The following HBS1L variants were observed in gnomAD, a reference collection of about 807,000 sequenced individuals.
HBS1L encodes HBS1 like translational GTPase, also known as HBS1-like protein.
Under a neutral mutation model 88.9 loss-of-function variants are expected in HBS1L, and 55 were observed. The observed-to-expected ratio is 0.62, with a 90% CI of 0.50 to 0.77. The LOEUF (loss-of-function observed/expected upper bound fraction) is 0.77, where lower values mean the gene tolerates loss of function less well. Among genes scored for constraint, HBS1L ranks in the 30% least tolerant of loss-of-function variants. The pLI is 0.00. For synonymous variants in HBS1L, 267 were observed against 288.5 expected, an observed-to-expected ratio of 0.93 and a Z score of 0.76; for missense variants, 741 against 829.3, an observed-to-expected ratio of 0.89 and a Z score of 1.31.
At chr6:135,004,427 C>A (rs1284874152) in intron 4 of HBS1L, among the ~76,000 whole-genome samples, 1 of 151,924 alleles carries the variant, frequency 6.6e-6, no homozygotes, top group African/African-American at 2.4e-5. Flanking sequence ...ATAACTAGCA[C>A]AGAAAGAAAG....
chr6:135,029,346 C>T (rs1776322686), intron 4 of HBS1L, among the ~76,000 whole-genome samples: 1 of 105,320 alleles, frequency 9.5e-6, no homozygotes, highest in South Asian at 3.6e-4. Context: ...TATAAATATG[C>T]ATATGTGGAT....
intron 4 of HBS1L, among the ~76,000 whole-genome samples, chr6:135,029,656 T>C (rs1776330521): frequency 6.6e-6 from 1 of 152,126 alleles, no homozygotes; most frequent in African/African-American, 2.4e-5. Flanking sequence ...TCCAAAACTT[T>C]CAAGTATATA....
chr6:135,003,802 T>C (rs971307446), intron 4 of HBS1L, among the ~76,000 whole-genome samples: 5 of 151,894 alleles, frequency 3.3e-5, no homozygotes, highest in Non-Finnish European at 4.4e-5. Flanking sequence ...AAGGTGGAGG[T>C]TGCAGTGAAC....
intron 8 of HBS1L, among the ~76,000 whole-genome samples, chr6:134,990,765 T>C (rs1463615128): frequency 6.6e-6 from 1 of 152,196 alleles, no homozygotes; most frequent in Non-Finnish European, 1.5e-5. Context: ...TTGCCCAGGC[T>C]GGTCTTGAAC....
chr6:135,023,333 A>G (rs989280300), intron 4 of HBS1L, among the ~76,000 whole-genome samples: 33 of 152,112 alleles, frequency 2.2e-4, no homozygotes, highest in African/African-American at 7.5e-4. Context: ...AGTCCCAGCT[A>G]CTTGGGAGGC....
intron 4 of HBS1L, among the ~76,000 whole-genome samples, chr6:135,011,791 AG>A (rs1205911056): frequency 1.3e-5 from 2 of 151,806 alleles, no homozygotes; most frequent in Non-Finnish European, 2.9e-5. Flanking sequence ...CTGTAATCTC[AG>A]CTACTCGGGA....
At chr6:135,053,818 A>C (rs1777160089) in intron 1 of HBS1L, among the ~76,000 whole-genome samples, 1 of 152,190 alleles carries the variant, frequency 6.6e-6, no homozygotes, top group African/African-American at 2.4e-5. Flanking sequence ...ATGCTTGGTG[A>C]TGCCTATAGT....
intron 1 of HBS1L, among the ~76,000 whole-genome samples, chr6:135,053,201 T>TC: frequency 6.6e-6 from 1 of 152,242 alleles, no homozygotes; most frequent in Non-Finnish European, 1.5e-5. Flanking sequence ...CTGCTTAAAT[T>TC]CCCCCCAATC....
chr6:134,997,601 T>C lies in HBS1L; in HGVS notation c.595A>G (p.Ile199Val). 4 of 1,613,892 alleles carry C rather than the reference T, an allele frequency of 2.5e-6. No homozygotes were observed. Among genetic ancestry groups the C allele is most frequent in the East Asian group, 2.2e-5 (1 of 44,884 alleles). Reference protein sequence around the residue: ...SFHTPQKGPPIEDAIASSDVL... With the variant: ...SFHTPQKGPPVEDAIASSDVL... ...TCGGAAGAAGCAATGGCATCTTCAA[T>C]GGGCGGTCCTTTTTGAGGTGTGTGG... Residue 199 changes from isoleucine (I) to valine (V), a missense_variant, in exon 6 of 18, where the codon ATT (isoleucine) becomes GTT (valine). By Grantham distance (29) the Ile-to-Val change is conservative. This residue lies in a region of HBS1L where 556 missense variants were observed against 598.4 expected (regional missense o/e 0.93). Transcript: ENST00000367837.
intron 12 of HBS1L, 49 bp downstream of exon 12, chr6:134,985,292 A>C: frequency 8.3e-7 from 1 of 1,203,028 alleles, no homozygotes; most frequent in Non-Finnish European, 1.2e-6. Flanking sequence ...TTAGGAGGGA[A>C]TGGGGAAAAG....
chr6:134,974,020 T>C (rs191956243), intron 15 of HBS1L, among the ~76,000 whole-genome samples: 19 of 151,764 alleles, frequency 1.3e-4, no homozygotes, highest in African/African-American at 4.6e-4. Context: ...TCTTAAAAAA[T>C]ATAGAGTAAG....
Position 135,040,936 on chromosome 6 carries a change from A to C in HBS1L, c.235+1065T>G, listed in dbSNP as rs565944905. On this transcript the variant is annotated intron_variant, in intron 3 of 17. Coordinates refer to ENST00000367837, the MANE Select transcript of HBS1L (RefSeq NM_006620.4). ...TATGTATATTTCTTTTGTAATCCTC[A>C]TAATAAGTCTATGAGCTAGATATAT... Among the ~76,000 whole-genome samples, 11 of 150,988 alleles carry C rather than the reference A, an allele frequency of 7.3e-5. No homozygotes were observed. In the South Asian group the frequency reaches 2.1e-3, roughly 28 times the overall value.
At position 135,002,776 on chromosome 6, in the gene HBS1L, G is replaced by A; in HGVS notation, c.497C>T (p.Thr166Ile). The change falls in exon 5 of 18, where the codon ACT (threonine) becomes ATT (isoleucine). Residue 166 changes from threonine (T) to isoleucine (I), a missense_variant. Physicochemically the swap from Thr to Ile is moderately conservative, Grantham distance 89 (BLOSUM62 -1). This residue lies in a region of HBS1L where 556 missense variants were observed against 598.4 expected (regional missense o/e 0.93). Coordinates refer to ENST00000367837, the MANE Select transcript of HBS1L (RefSeq NM_006620.4). ...CATAGTTTGCTTCTTTCCAGATACAGTCATTTTAGCAACTTTTGGCACAAT... is the reference window on the plus strand; with the variant it reads ...CATAGTTTGCTTCTTTCCAGATACAATCATTTTAGCAACTTTTGGCACAAT... ...SEIVPKVAKM[T>I]VSGKKQTMGF... 1.9e-6 allele frequency: 3 copies of A among 1,613,316 alleles called. No individual in the cohort carries two copies. The highest frequency in any genetic ancestry group is 2.5e-6 in the Non-Finnish European group (3 of 1,179,480).
intron 8 of HBS1L, among the ~76,000 whole-genome samples, chr6:134,991,129 A>T (rs756700839): frequency 1.2e-4 from 19 of 152,090 alleles, no homozygotes; most frequent in South Asian, 4.2e-4. Flanking sequence ...ATTCTTTGGT[A>T]AATGCAATGA....
rs529540411 is a variant in HBS1L at position 134,961,799 on chromosome 6, C to T, written c.*3480G>A. The T allele has an allele frequency of 1.6e-4, 24 of 152,218 alleles. No homozygotes were observed. Among genetic ancestry groups the T allele is most frequent in the African/African-American group, 2.2e-4 (9 of 41,528 alleles). 9.4% of individuals were successfully genotyped at this position (152,218 alleles called of 1,614,324 possible). On this transcript the variant is annotated 3_prime_UTR_variant, in exon 18 of 18. Coordinates refer to ENST00000367837, the MANE Select transcript of HBS1L (RefSeq NM_006620.4). ...TTCCCACTGAGAAGCACCCATAGAC[C>T]CCAGTGGTGTGCAGTCTCTCTTGCT...
At chr6:134,997,252 A>G (rs7773126) in intron 6 of HBS1L, 145 bp downstream of exon 6, 474,197 of 899,982 alleles carry the variant, frequency 0.53, 127,798 homozygotes, top group African/African-American at 0.76. Flanking sequence ...CTCTCCCCAC[A>G]TGACTAGAAA....
At chr6:134,968,416 T>G (rs1330509570) in intron 16 of HBS1L, among the ~76,000 whole-genome samples, 1 of 151,874 alleles carries the variant, frequency 6.6e-6, no homozygotes, top group East Asian at 1.9e-4. Context: ...ACCCGGCTAA[T>G]TTTTGTATTT....
chr6:134,986,214 TACA>T (rs746815503), intron 10 of HBS1L, 31 bp from the exon 11 acceptor site: 11 of 1,104,306 alleles, frequency 1.0e-5, no homozygotes, highest in Middle Eastern at 2.0e-4. Context: ...TGAAACTTAA[TACA>T]ACATTTTTTA....
At chr6:134,979,075 C>A in intron 14 of HBS1L, 103 bp downstream of exon 14, 1 of 789,460 alleles carries the variant, frequency 1.3e-6, no homozygotes, top group Admixed American at 2.2e-5. Context: ...TATTTTTGGT[C>A]AAATGAAATT....
Sources: gnomAD v4.1 joint callset for allele counts (sites outside exome capture counted in the v4.1 genomes callset) on GRCh38, gnomAD v4.1.1 for gene constraint, gnomAD v4.1.1 regional missense constraint, MANE v1.5 for transcripts, NCBI Gene and HGNC (gene_info 2026-07-23, HGNC 2026-07-21) for gene names.